ITGB5: variants seen among roughly 807,000 people sequenced by gnomAD.
The protein encoded by ITGB5 is integrin beta-5.
Under a neutral mutation model 84.8 loss-of-function variants are expected in ITGB5, and 38 were observed. That is an observed-to-expected ratio of 0.45 (90% CI 0.35 to 0.59). The LOEUF (loss-of-function observed/expected upper bound fraction) is 0.59. Among genes scored for constraint, ITGB5 ranks in the 20% least tolerant of loss-of-function variants. The probability of loss-of-function intolerance (pLI) is 0.01; values close to 1 mark genes in which losing one functional copy is unlikely to be tolerated. For missense variants in ITGB5, 905 were observed against 1,034.5 expected, an observed-to-expected ratio of 0.87 and a Z score of 1.72; for synonymous variants, 393 against 414.4, an observed-to-expected ratio of 0.95 and a Z score of 0.63.
rs911526249 is a variant in ITGB5 at position 124,785,517 on chromosome 3, A to G, written c.1693+10871T>C. The stretch of plus-strand genomic sequence containing the variant: ...GGAGAATTGCGTGAACCCGGGAGGC[A>G]GAGGTTGCAGTGAGCCAAGATCGTG... On this transcript the variant is annotated intron_variant, in intron 10 of 14. Transcript: ENST00000296181. Among the ~76,000 whole-genome samples, 10 of 151,074 alleles carry G rather than the reference A, an allele frequency of 6.6e-5. No homozygotes were observed. In the East Asian group the frequency reaches 2.0e-3, roughly 30 times the overall value.
chr3:124,854,979 G>C (rs10934693), intron 3 of ITGB5, among the ~76,000 whole-genome samples: 71,792 of 151,926 alleles, frequency 0.47, 17,547 homozygotes, highest in East Asian at 0.67. Flanking sequence ...TGAGGCATGG[G>C]GGGTAGGGCA....
chr3:124,859,242 C>T lies in ITGB5; in HGVS notation c.361G>A (p.Gly121Ser), dbSNP rs774698322. ...PQEIAVNLRP[G>S]DKTTFQLQVR... ...CCAGCCCTTTCTGTGGGCAACTCACCGGGCCGGAGGTTCACGGCAATCTCC... is the reference window on the plus strand; with the variant it reads ...CCAGCCCTTTCTGTGGGCAACTCACTGGGCCGGAGGTTCACGGCAATCTCC... The change falls in exon 3 of 15, where the codon GGT becomes AGT. Residue 121 changes from glycine to serine, a missense_variant and splice_region_variant. Gly to Ser is a moderately conservative substitution (Grantham distance 56). Transcript: ENST00000296181. 5.0e-6 allele frequency: 8 copies of T among 1,612,770 alleles called. No individual in the cohort carries two copies. The highest frequency in any genetic ancestry group is 2.2e-5 in the East Asian group (1 of 44,856).
intron 8 of ITGB5, among the ~76,000 whole-genome samples, chr3:124,813,137 G>T (rs80030464): frequency 6.6e-6 from 1 of 152,176 alleles, no homozygotes; most frequent in East Asian, 1.9e-4. Context: ...CCAGGGGCCC[G>T]TGCTGGGGCT....
At chr3:124,771,936 G>T (rs2063851705) in intron 11 of ITGB5, among the ~76,000 whole-genome samples, 1 of 152,078 alleles carries the variant, frequency 6.6e-6, no homozygotes, top group African/African-American at 2.4e-5. Flanking sequence ...ATCCTCCATT[G>T]CCTGCTGCTC....
rs182449880 is a variant in ITGB5, at chr3:124,864,543, T to C, written c.157-5097A>G. Among the ~76,000 whole-genome samples, 281 of 152,118 alleles carry C rather than the reference T, an allele frequency of 1.8e-3. 3 individuals carry two copies. Among genetic ancestry groups the C allele is most frequent in the African/African-American group, 6.4e-3 (267 of 41,518 alleles). Reference sequence around the variant, plus strand: ...ATTAATGCAGGAACAGAAAACCAAATACTACGTTTTCCCTTATCAGTGGGA... The same window carrying C: ...ATTAATGCAGGAACAGAAAACCAAACACTACGTTTTCCCTTATCAGTGGGA... On this transcript the variant is annotated intron_variant, in intron 2 of 14. Coordinates refer to ENST00000296181, the MANE Select transcript of ITGB5 (RefSeq NM_002213.5).
At chr3:124,868,046 AT>A (rs2107632168) in intron 2 of ITGB5, among the ~76,000 whole-genome samples, 1 of 152,246 alleles carries the variant, frequency 6.6e-6, no homozygotes, top group African/African-American at 2.4e-5. Context: ...TGATAGTTTC[AT>A]AAGGGGCTCT....
chr3:124,839,313 C>T (rs1397429059), intron 5 of ITGB5, among the ~76,000 whole-genome samples: 2 of 152,170 alleles, frequency 1.3e-5, no homozygotes, highest in East Asian at 3.9e-4. Context: ...CTAGCATCGC[C>T]TCTGAAATGC....
chr3:124,875,823 A>T (rs72974554), intron 1 of ITGB5, among the ~76,000 whole-genome samples: 1 of 152,156 alleles, frequency 6.6e-6, no homozygotes, highest in Admixed American at 6.5e-5. Flanking sequence ...ATTCAGCCTT[A>T]AAAAATTGAG....
intron 4 of ITGB5, among the ~76,000 whole-genome samples, chr3:124,846,764 T>C (rs1004106592): frequency 2.6e-5 from 4 of 152,038 alleles, no homozygotes; most frequent in Non-Finnish European, 5.9e-5. Context: ...TGAAACCCCA[T>C]CTCTACTAAA....
chr3:124,884,997 G>A (rs766149195), intron 1 of ITGB5, among the ~76,000 whole-genome samples: 2 of 152,222 alleles, frequency 1.3e-5, no homozygotes, highest in Non-Finnish European at 2.9e-5. Flanking sequence ...GCAGCCAGGC[G>A]TGGTGGCTCA....
intron 11 of ITGB5, among the ~76,000 whole-genome samples, chr3:124,773,249 A>G (rs1227393370): frequency 6.6e-6 from 1 of 152,030 alleles, no homozygotes; most frequent in Non-Finnish European, 1.5e-5. Context: ...AGCATTTCCC[A>G]TAAGGGTTCT....
chr3:124,763,693 G>C lies in ITGB5; in HGVS notation c.2330C>G (p.Pro777Arg). Residue 777 changes from proline (P) to arginine (R), a missense_variant, in exon 15 of 15, where the codon CCT (proline) becomes CGT (arginine). By Grantham distance (103) the Pro-to-Arg change is moderately radical. This residue lies in a region of ITGB5 where 133 missense variants were observed against 122.8 expected (regional missense o/e 1.08). Coordinates refer to ENST00000296181, the MANE Select transcript of ITGB5 (RefSeq NM_002213.5). ...EMASNPLYRK[P>R]ISTHTVDFTF... The stretch of plus-strand genomic sequence containing the variant: ...GAAGTCCACAGTGTGCGTGGAGATA[G>C]GCTTTCTGTATAATGGATTTGAAGC... The C allele has an allele frequency of 2.5e-6, 4 of 1,608,936 alleles. No individual in the cohort carries two copies. In the South Asian group the frequency reaches 3.3e-5, roughly 13 times the overall value.
At chr3:124,863,869 A>G (rs2065341144) in intron 2 of ITGB5, among the ~76,000 whole-genome samples, 2 of 151,882 alleles carry the variant, frequency 1.3e-5, no homozygotes, top group Non-Finnish European at 2.9e-5. Flanking sequence ...GAAAACCAAA[A>G]TGACAGAGAC....
chr3:124,901,111 G>T (rs1479857301), intron 1 of ITGB5, among the ~76,000 whole-genome samples: 2 of 152,206 alleles, frequency 1.3e-5, no homozygotes, highest in East Asian at 3.8e-4. Flanking sequence ...TGGTTTTAAG[G>T]TCAGGTGCGG....
intron 11 of ITGB5, among the ~76,000 whole-genome samples, chr3:124,770,362 A>C (rs1446686341): frequency 6.6e-6 from 1 of 152,006 alleles, no homozygotes; most frequent in Non-Finnish European, 1.5e-5. Flanking sequence ...GCAGGGGGTG[A>C]CCTCAGCTAC....
intron 6 of ITGB5, 152 bp from the exon 7 acceptor site, chr3:124,819,986 T>C: frequency 2.9e-6 from 2 of 679,406 alleles, no homozygotes; most frequent in Admixed American, 4.3e-5. Context: ...TAAGCCTTCT[T>C]GGTAGCTCCT....
At chr3:124,808,004 G>A (rs1398531484) in intron 9 of ITGB5, among the ~76,000 whole-genome samples, 1 of 143,444 alleles carries the variant, frequency 7.0e-6, no homozygotes, top group Non-Finnish European at 1.5e-5. Context: ...GTGTTGTGAA[G>A]TGGGTGAGGG....
chr3:124,810,370 CTG>C lies in ITGB5; in HGVS notation c.1129-1216_1129-1215del, dbSNP rs986521716. Among the ~76,000 whole-genome samples the C allele has an allele frequency of 7.5e-4, 114 of 152,220 alleles. 1 individual carries two copies. The highest frequency in any genetic ancestry group is 1.2e-4 in the Non-Finnish European group (8 of 68,008). On this transcript the variant is annotated intron_variant, in intron 8 of 14. Coordinates refer to ENST00000296181, the MANE Select transcript of ITGB5 (RefSeq NM_002213.5). ...GGGACTTCTGGGCCTGGCTAATGTT[CTG>C]TGTGTTTGGCCTTGGTGCTGGATAC...
At chr3:124,793,731 A>G (rs2064182030) in intron 10 of ITGB5, among the ~76,000 whole-genome samples, 1 of 152,254 alleles carries the variant, frequency 6.6e-6, no homozygotes, top group South Asian at 2.1e-4. Context: ...AACCAGACAG[A>G]ACCATCTAGC....
Sources: gnomAD v4.1 joint callset for allele counts (sites outside exome capture counted in the v4.1 genomes callset) on GRCh38, gnomAD v4.1.1 for gene constraint, gnomAD v4.1.1 regional missense constraint, MANE v1.5 for transcripts, NCBI Gene and HGNC (gene_info 2026-07-23, HGNC 2026-07-21) for gene names.